RAB5C: variants seen among roughly 807,000 people sequenced by gnomAD.
The protein encoded by RAB5C is ras-related protein Rab-5C.
In RAB5C, 4 loss-of-function variants were observed where a neutral mutation model predicts 25.2. The ratio of observed to expected loss-of-function variants is 0.16; its 90% confidence interval spans 0.08 to 0.36. The LOEUF (loss-of-function observed/expected upper bound fraction) is 0.36, where lower values mean the gene tolerates loss of function less well. Ranked by LOEUF, RAB5C falls within the 10% of genes least tolerant of loss-of-function variation. The pLI is 1.00. For missense variants in RAB5C, 199 were observed against 283.8 expected, an observed-to-expected ratio of 0.70 and a Z score of 2.15; for synonymous variants, 100 against 106.4, an observed-to-expected ratio of 0.94 and a Z score of 0.37.
At chr17:42,126,535 G>A in intron 5 of RAB5C, 1 of 285,116 alleles carries the variant, frequency 3.5e-6, no homozygotes, top group Non-Finnish European at 6.7e-6. Flanking sequence ...GAGAGGCTGA[G>A]GCAGGAGAAT....
Position 42,131,450 on chromosome 17 carries a change from ACAC to A in RAB5C, c.-88-863_-88-861del, listed in dbSNP as rs201275560. Among the ~76,000 whole-genome samples, 6 of 152,154 alleles carry A rather than the reference ACAC, an allele frequency of 3.9e-5. No homozygotes were observed. In the East Asian group the frequency reaches 1.2e-3, roughly 29 times the overall value. ...TACACACTGAAACACACACACACAC[ACAC>A]AAAAACACATGCCAACACACACACA... On this transcript the variant is annotated intron_variant, in intron 1 of 5. Transcript: ENST00000346213.
intron 1 of RAB5C, among the ~76,000 whole-genome samples, chr17:42,152,003 A>G (rs1369210170): frequency 2.0e-5 from 3 of 152,148 alleles, no homozygotes; most frequent in African/African-American, 7.2e-5. Flanking sequence ...ATCAGGTCAC[A>G]TCTGACCCCA....
chr17:42,152,754 G>A (rs1207111974), intron 1 of RAB5C, among the ~76,000 whole-genome samples: 1 of 151,612 alleles, frequency 6.6e-6, no homozygotes, highest in Non-Finnish European at 1.5e-5. Flanking sequence ...ACTCCAGCCT[G>A]GGTGACAAAA....
At position 42,130,606 on chromosome 17, in the gene RAB5C, G is replaced by A. The variant is rs974047587; in HGVS notation, c.-88-16C>T. The A allele has an allele frequency of 8.4e-6, 13 of 1,543,670 alleles. No homozygotes were observed. The highest frequency in any genetic ancestry group is 6.1e-6 in the Non-Finnish European group (7 of 1,144,792). ...GGACCTCCAACTGTAAGGGAGAAAT[G>A]AGAAGTACTGAGTTAGTTCAGAGGC... On this transcript the variant is annotated splice_polypyrimidine_tract_variant and intron_variant, in intron 1 of 5. Transcript: ENST00000346213.
chr17:42,151,020 A>G (rs2079667315), intron 1 of RAB5C, among the ~76,000 whole-genome samples: 1 of 152,328 alleles, frequency 6.6e-6, no homozygotes, highest in African/African-American at 2.4e-5. Context: ...AGGTCAAGTA[A>G]CAAGCCCAGG....
At chr17:42,130,823 TCAGG>T (rs1445100824) in intron 1 of RAB5C, among the ~76,000 whole-genome samples, 40 of 151,808 alleles carry the variant, frequency 2.6e-4, no homozygotes, top group Admixed American at 5.9e-4. Context: ...TCTCCCAACT[TCAGG>T]CTCATGGTTC....
At chr17:42,143,072 A>G (rs2079612193) in intron 1 of RAB5C, among the ~76,000 whole-genome samples, 1 of 152,234 alleles carries the variant, frequency 6.6e-6, no homozygotes, top group Non-Finnish European at 1.5e-5. Context: ...AGGCAGGGGT[A>G]AGAGCAGTAT....
intron 1 of RAB5C, among the ~76,000 whole-genome samples, chr17:42,142,199 T>G (rs1299113688): frequency 1.4e-5 from 2 of 147,974 alleles, no homozygotes; most frequent in Admixed American, 1.3e-4. Flanking sequence ...ACACAAAGCA[T>G]CTTGGGTTTT....
intron 1 of RAB5C, among the ~76,000 whole-genome samples, chr17:42,132,147 AG>A (rs2054492584): frequency 6.6e-6 from 1 of 152,184 alleles, no homozygotes; most frequent in African/African-American, 2.4e-5. Flanking sequence ...CTGACAGCAA[AG>A]GGCTTGTTTT....
chr17:42,137,449 G>A (rs2054548860), intron 1 of RAB5C, among the ~76,000 whole-genome samples: 2 of 152,098 alleles, frequency 1.3e-5, no homozygotes, highest in African/African-American at 2.4e-5. Context: ...TAAGTCACAT[G>A]TCAATAAAAA....
intron 1 of RAB5C, among the ~76,000 whole-genome samples, chr17:42,134,533 C>T (rs902199643): frequency 4.6e-5 from 7 of 152,120 alleles, no homozygotes; most frequent in South Asian, 2.1e-4. Flanking sequence ...GCTGAGATCG[C>T]GCCATTGCAC....
At chr17:42,126,035 T>C (rs756942597) in intron 5 of RAB5C, 137 bp from the exon 6 acceptor site, 27 of 651,012 alleles carry the variant, frequency 4.1e-5, no homozygotes, top group Non-Finnish European at 6.9e-5. Flanking sequence ...AGGTGCATTC[T>C]GATTGTTTTC....
chr17:42,154,200 G>C (rs2079691056), intron 1 of RAB5C, among the ~76,000 whole-genome samples: 2 of 152,186 alleles, frequency 1.3e-5, no homozygotes, highest in South Asian at 4.1e-4. Context: ...TCTGTAGCTA[G>C]GATTGAGCAA....
rs2054476143 is a variant in RAB5C, at chr17:42,130,653, TA to T, written c.-88-64del. On this transcript the variant is annotated intron_variant, in intron 1 of 5. Coordinates refer to ENST00000346213, the MANE Select transcript of RAB5C (RefSeq NM_004583.4). The stretch of plus-strand genomic sequence containing the variant: ...AGGCCGTCACCCGCTGTGTCCTTCT[TA>T]AATTACAGATCTTTCCCTCTGGCCT... 3.4e-6 allele frequency: 5 copies of T among 1,452,720 alleles called. No individual in the cohort carries two copies. In the East Asian group the frequency reaches 1.0e-4, roughly 29 times the overall value. 90.0% of individuals were successfully genotyped at this position (1,452,720 alleles called of 1,614,324 possible).
intron 1 of RAB5C, among the ~76,000 whole-genome samples, chr17:42,148,089 ACT>A (rs2079648070): frequency 6.7e-6 from 1 of 149,784 alleles, no homozygotes; most frequent in Admixed American, 6.6e-5. Flanking sequence ...CAAGAGCAAA[ACT>A]CTGTCTCAAA....
intron 1 of RAB5C, among the ~76,000 whole-genome samples, chr17:42,146,937 T>G (rs1363947586): frequency 6.6e-6 from 1 of 151,260 alleles, no homozygotes; most frequent in African/African-American, 2.4e-5. Flanking sequence ...ACCCGGGAGC[T>G]TGCAGTGAGC....
At chr17:42,150,544 C>CAAAAAA (rs759878778) in intron 1 of RAB5C, among the ~76,000 whole-genome samples, 9 of 19,382 alleles carry the variant, frequency 4.6e-4, no homozygotes, top group East Asian at 1.1e-3. Context: ...AACTCCATCT[C>CAAAAAA]AAAAAAAAAA....
At chr17:42,141,449 C>T (rs9889618) in intron 1 of RAB5C, among the ~76,000 whole-genome samples, 54,446 of 152,124 alleles carry the variant, frequency 0.36, 13,227 homozygotes, top group African/African-American at 0.69. Context: ...AGCACAGATA[C>T]GGTGAACTGT....
intron 1 of RAB5C, among the ~76,000 whole-genome samples, chr17:42,149,876 G>GTTTTTTT (rs925280473): frequency 0.044 from 5,331 of 120,772 alleles, 154 homozygotes; most frequent in African/African-American, 0.065. Context: ...GCCCAGGCTG[G>GTTTTTTT]TTTTTTTTTT....
Sources: allele counts gnomAD v4.1 joint callset (sites outside exome capture counted in the v4.1 genomes callset), GRCh38; gene constraint gnomAD v4.1.1; transcripts MANE v1.5; gene names NCBI Gene and HGNC (gene_info 2026-07-23, HGNC 2026-07-21).